CADPS2: variants seen among roughly 807,000 people sequenced by gnomAD.
The protein encoded by CADPS2 is calcium dependent secretion activator 2, also known as calcium-dependent secretion activator 2.
CADPS2 carries 93 observed loss-of-function variants against 172.5 expected under a neutral mutation model. That is an observed-to-expected ratio of 0.54 (90% CI 0.46 to 0.64). The LOEUF (loss-of-function observed/expected upper bound fraction) is 0.64, where lower values mean the gene tolerates loss of function less well. Among genes scored for constraint, CADPS2 ranks in the 30% least tolerant of loss-of-function variants. CADPS2 has a pLI of 0.00. For missense variants in CADPS2, 1,420 were observed against 1,565.9 expected, an observed-to-expected ratio of 0.91 and a Z score of 1.57; for synonymous variants, 546 against 555.2, an observed-to-expected ratio of 0.98 and a Z score of 0.23.
At chr7:122,624,517 C>G (rs556683482) in intron 4 of CADPS2, among the ~76,000 whole-genome samples, 1 of 152,290 alleles carries the variant, frequency 6.6e-6, no homozygotes, top group Non-Finnish European at 1.5e-5. Context: ...ATTTTAGGTT[C>G]TAATCTCAGC....
chr7:122,614,578 T>C (rs900454854), intron 6 of CADPS2, among the ~76,000 whole-genome samples: 1 of 152,220 alleles, frequency 6.6e-6, no homozygotes, highest in Non-Finnish European at 1.5e-5. Context: ...TTGTTTCTAC[T>C]AGAGACCATG....
At chr7:122,677,196 G>C (rs949867111) in intron 2 of CADPS2, among the ~76,000 whole-genome samples, 5 of 152,204 alleles carry the variant, frequency 3.3e-5, no homozygotes, top group Non-Finnish European at 7.3e-5. Context: ...CCTGTGGCTT[G>C]ATAAATACTA....
At position 122,581,252 on chromosome 7, in the gene CADPS2, C is replaced by T. The variant is rs763695995; in HGVS notation, c.1262G>A (p.Arg421Gln). 1.9e-6 allele frequency: 3 copies of T among 1,613,056 alleles called. No homozygotes were observed. Among genetic ancestry groups the T allele is most frequent in the Non-Finnish European group, 1.7e-6 (2 of 1,179,374 alleles). ...GAAGAGTTTCACTTTGACCACAGGC[C>T]GAGGATGGGTGGTGGTGAAATCTCC... ...TQGDFTTTHP[R>Q]PVVKVKLFTE... The change falls in exon 7 of 30, where the codon CGG becomes CAG. Residue 421 changes from arginine (R) to glutamine (Q), a missense_variant. Arg to Gln is a conservative substitution (Grantham distance 43, BLOSUM62 1). Coordinates refer to ENST00000449022, the MANE Select transcript of CADPS2 (RefSeq NM_017954.11).
intron 8 of CADPS2, among the ~76,000 whole-genome samples, chr7:122,520,644 T>C (rs1312847529): frequency 2.0e-5 from 3 of 152,036 alleles, no homozygotes; most frequent in Admixed American, 1.3e-4. Context: ...TAAAATGAAA[T>C]AAAGAACTCG....
rs759134436 is a variant in CADPS2 at position 122,392,389 on chromosome 7, G to GTTT, written c.3008+804_3008+806dup. On this transcript the variant is annotated intron_variant, in intron 22 of 29. Transcript: ENST00000449022. Reference sequence around the variant, plus strand: ...AGAGCCTAGGATATGCCTCAATACAGTTTTTTTTTTTTAAATCATCACAAA... The same window carrying GTTT: ...AGAGCCTAGGATATGCCTCAATACAGTTTTTTTTTTTTTTTAAATCATCACAAA... Among the ~76,000 whole-genome samples the GTTT allele has an allele frequency of 2.6e-3, 382 of 146,716 alleles. 1 individual carries two copies. The highest frequency in any genetic ancestry group is 9.2e-3 in the African/African-American group (365 of 39,830).
chr7:122,814,004 GA>G (rs1800698456), intron 1 of CADPS2, among the ~76,000 whole-genome samples: 1 of 151,906 alleles, frequency 6.6e-6, no homozygotes, highest in African/African-American at 2.4e-5. Flanking sequence ...TGTATACAAG[GA>G]CGTAAGGGCA....
intron 1 of CADPS2, among the ~76,000 whole-genome samples, chr7:122,855,085 T>G (rs1007627166): frequency 3.9e-5 from 6 of 152,224 alleles, no homozygotes; most frequent in Admixed American, 6.5e-5. Context: ...AAAGTGTGAC[T>G]TTGATCCCCA....
At chr7:122,438,244 G>T in intron 17 of CADPS2, 97 bp downstream of exon 17, 1 of 1,458,994 alleles carries the variant, frequency 6.9e-7, no homozygotes, top group Non-Finnish European at 9.5e-7. Context: ...CCATGGCACA[G>T]GATTGTTCAG....
In CADPS2 at chr7:122,613,766, C is replaced by T. The variant is rs143608339; in HGVS notation, c.1223+1415G>A. ...CTGTGAATATACTAATATATTACCC[C>T]CAAATATATACTGTGACTAGGTCAC... On this transcript the variant is annotated intron_variant, in intron 6 of 29. Coordinates refer to ENST00000449022, the MANE Select transcript of CADPS2 (RefSeq NM_017954.11). Among the ~76,000 whole-genome samples, 557 of 151,598 alleles carry T rather than the reference C, an allele frequency of 3.7e-3. 3 individuals carry two copies. Among genetic ancestry groups the T allele is most frequent in the African/African-American group, 0.013 (542 of 41,334 alleles).
chr7:122,486,685 C>T (rs74669205), intron 11 of CADPS2, among the ~76,000 whole-genome samples: 2,628 of 152,260 alleles, frequency 0.017, 45 homozygotes, highest in East Asian at 0.08. Flanking sequence ...GGATTGACTC[C>T]AATTTTCAAA....
chr7:122,501,592 G>A (rs1352283366), intron 9 of CADPS2, among the ~76,000 whole-genome samples: 3 of 152,086 alleles, frequency 2.0e-5, no homozygotes, highest in African/African-American at 7.2e-5. Context: ...GTACATGCCT[G>A]TAATCCCAGC....
chr7:122,413,906 T>C (rs2047595505), intron 19 of CADPS2, among the ~76,000 whole-genome samples, 162 bp downstream of exon 19: 1 of 152,042 alleles, frequency 6.6e-6, no homozygotes, highest in South Asian at 2.1e-4. Flanking sequence ...CACAAAACAA[T>C]ATAACAAAAA....
At chr7:122,378,238 A>T (rs2042579802) in intron 25 of CADPS2, among the ~76,000 whole-genome samples, 1 of 152,136 alleles carries the variant, frequency 6.6e-6, no homozygotes, top group Admixed American at 6.6e-5. Context: ...GACAAGTACC[A>T]ATAATATATA....
At chr7:122,379,325 AT>A in intron 25 of CADPS2, 42 bp downstream of exon 25, 1 of 1,290,400 alleles carries the variant, frequency 7.7e-7, no homozygotes, top group Non-Finnish European at 1.1e-6. Context: ...TCCATTGACA[AT>A]TTTTCACTTT....
rs183106867 is a variant in CADPS2 at position 122,846,631 on chromosome 7, T to C, written c.339+39368A>G. On this transcript the variant is annotated intron_variant, in intron 1 of 29. Transcript: ENST00000449022. ...GCAACTCTTTAAATATAGGAGCCAA[T>C]AATTTTAAGGAAGAGGCTGCCCAGT... 4.2e-3 allele frequency among the ~76,000 whole-genome samples: 635 copies of C among 152,318 alleles called. 2 individuals carry two copies. The highest frequency in any genetic ancestry group is 8.4e-3 in the Admixed American group (129 of 15,306).
intron 2 of CADPS2, chr7:122,698,350 TA>T: frequency 6.2e-7 from 1 of 1,613,694 alleles, no homozygotes; most frequent in Non-Finnish European, 8.5e-7. Flanking sequence ...AGAGACCAAA[TA>T]GTGATTCATC....
intron 1 of CADPS2, among the ~76,000 whole-genome samples, chr7:122,838,195 C>T (rs1284573753): frequency 1.3e-4 from 20 of 152,124 alleles, no homozygotes; most frequent in Admixed American, 7.9e-4. Flanking sequence ...ATTATCTCAA[C>T]AGATGCAGAA....
At chr7:122,746,321 C>T (rs960891907) in intron 1 of CADPS2, among the ~76,000 whole-genome samples, 1 of 152,046 alleles carries the variant, frequency 6.6e-6, no homozygotes, top group South Asian at 2.1e-4. Context: ...AGTTAACATA[C>T]GTTTTAAGTT....
At chr7:122,321,157 T>C (rs1367597805) in intron 29 of CADPS2, among the ~76,000 whole-genome samples, 1 of 152,004 alleles carries the variant, frequency 6.6e-6, no homozygotes, top group African/African-American at 2.4e-5. Flanking sequence ...TTACATTGAT[T>C]GATTGATTGA....
Sources: gnomAD v4.1 joint callset for allele counts (sites outside exome capture counted in the v4.1 genomes callset) on GRCh38, gnomAD v4.1.1 for gene constraint, MANE v1.5 for transcripts, NCBI Gene and HGNC (gene_info 2026-07-23, HGNC 2026-07-21) for gene names.